Variants in RAPGEF4 observed in about 807,000 individuals in gnomAD.
RAPGEF4 encodes Rap guanine nucleotide exchange factor 4.
A neutral mutation model predicts 147.9 loss-of-function variants in RAPGEF4; 66 were observed. That is an observed-to-expected ratio of 0.45 (90% CI 0.37 to 0.55). The LOEUF (loss-of-function observed/expected upper bound fraction) is 0.55. Among genes scored for constraint, RAPGEF4 ranks in the 20% least tolerant of loss-of-function variants. RAPGEF4 has a pLI of 0.00. For missense variants in RAPGEF4, 1,071 were observed against 1,257.3 expected, an observed-to-expected ratio of 0.85 and a Z score of 2.24; for synonymous variants, 419 against 442.7, an observed-to-expected ratio of 0.95 and a Z score of 0.67.
chr2:172,831,558 C>T (rs563310299), intron 4 of RAPGEF4, among the ~76,000 whole-genome samples: 10 of 151,958 alleles, frequency 6.6e-5, no homozygotes, highest in South Asian at 4.2e-4. Flanking sequence ...CGTGAGCCAC[C>T]GTGCCTGGCC....
rs574513673 is a variant in RAPGEF4, at chr2:173,042,414, A to G, written c.2853+5722A>G. Among the ~76,000 whole-genome samples the G allele has an allele frequency of 3.3e-5, 5 of 152,120 alleles. No individual in the cohort carries two copies. Among genetic ancestry groups the G allele is most frequent in the Non-Finnish European group, 7.4e-5 (5 of 68,010 alleles). On this transcript the variant is annotated intron_variant, in intron 29 of 30. Coordinates refer to ENST00000397081, the MANE Select transcript of RAPGEF4 (RefSeq NM_007023.4). The surrounding 1 kb of genome is among the most constrained non-coding windows in gnomAD (Gnocchi z 4.2). ...TTTGGGAGACTGAGGCGGGTGGATC[A>G]TGGGGTCAGGAGTTCAAGACCAGCC...
chr2:172,753,595 G>T (rs1448009696), intron 1 of RAPGEF4, among the ~76,000 whole-genome samples: 2 of 151,868 alleles, frequency 1.3e-5, no homozygotes. Flanking sequence ...ATACAGGAAA[G>T]AAACTTCATT....
chr2:172,751,708 C>T (rs1208160722), intron 1 of RAPGEF4, among the ~76,000 whole-genome samples: 1 of 152,122 alleles, frequency 6.6e-6, no homozygotes. Flanking sequence ...CAGTGTAATC[C>T]AGACTTTACT....
At chr2:172,805,364 C>CTGAAAG (rs1687394187) in intron 3 of RAPGEF4, among the ~76,000 whole-genome samples, 1 of 152,186 alleles carries the variant, frequency 6.6e-6, no homozygotes, top group African/African-American at 2.4e-5. Flanking sequence ...TATTCTGCCC[C>CTGAAAG]TATTACTTTC....
At chr2:172,860,359 T>C in intron 4 of RAPGEF4, 2 of 975,310 alleles carry the variant, frequency 2.1e-6, no homozygotes, top group Non-Finnish European at 2.4e-6. Flanking sequence ...ACAGGGAGCT[T>C]GTTTCTCTTC....
chr2:172,853,421 AGTT>A (rs1693078869), intron 4 of RAPGEF4, among the ~76,000 whole-genome samples: 1 of 151,944 alleles, frequency 6.6e-6, no homozygotes, highest in African/African-American at 2.4e-5. Flanking sequence ...ATTGACATAG[AGTT>A]GTTTATTATA....
intron 4 of RAPGEF4, among the ~76,000 whole-genome samples, chr2:172,869,243 C>G (rs1423344596): frequency 6.6e-6 from 1 of 152,070 alleles, no homozygotes; most frequent in African/African-American, 2.4e-5. Flanking sequence ...CAATCCAGCT[C>G]TATTAAAATA....
intron 1 of RAPGEF4, among the ~76,000 whole-genome samples, chr2:172,777,816 C>T (rs932440604): frequency 2.0e-5 from 3 of 152,050 alleles, no homozygotes; most frequent in Admixed American, 2.0e-4. Context: ...TTCCCTTCTT[C>T]CTGGGATCAC....
At chr2:172,748,320 A>G (rs1446031240) in intron 1 of RAPGEF4, among the ~76,000 whole-genome samples, 1 of 152,178 alleles carries the variant, frequency 6.6e-6, no homozygotes, top group East Asian at 1.9e-4. Flanking sequence ...GACATACCTG[A>G]GATGGGGTAA....
intron 4 of RAPGEF4, among the ~76,000 whole-genome samples, chr2:172,816,513 G>T (rs1172717396): frequency 6.6e-6 from 1 of 152,172 alleles, no homozygotes; most frequent in Non-Finnish European, 1.5e-5. Context: ...TGAGGATATT[G>T]CTCTGTTGAT....
At chr2:172,870,172 T>C (rs1695076465) in intron 4 of RAPGEF4, among the ~76,000 whole-genome samples, 1 of 152,184 alleles carries the variant, frequency 6.6e-6, no homozygotes, top group Admixed American at 6.5e-5. Context: ...AGATAGGGTG[T>C]CCCTGTTGCA....
chr2:172,926,568 ATTTG>A (rs373359454), intron 6 of RAPGEF4, among the ~76,000 whole-genome samples: 279 of 151,556 alleles, frequency 1.8e-3, no homozygotes, highest in African/African-American at 6.3e-3. Flanking sequence ...TTGTTTGTTT[ATTTG>A]TTTGTTTGTT....
At chr2:172,880,060 A>C (rs1395965941) in intron 4 of RAPGEF4, among the ~76,000 whole-genome samples, 1 of 152,188 alleles carries the variant, frequency 6.6e-6, no homozygotes, top group African/African-American at 2.4e-5. Flanking sequence ...GGCCATCACA[A>C]ACAGCTAGCT....
intron 1 of RAPGEF4, among the ~76,000 whole-genome samples, chr2:172,780,180 G>A (rs956985684): frequency 6.6e-6 from 1 of 152,094 alleles, no homozygotes; most frequent in East Asian, 1.9e-4. Flanking sequence ...AAAACAAACA[G>A]AAGTTTATTA....
chr2:172,925,777 A>AAGAAAGAGAGAGAG (rs1553531721), intron 6 of RAPGEF4, among the ~76,000 whole-genome samples: 1 of 133,804 alleles, frequency 7.5e-6, no homozygotes, highest in Admixed American at 8.3e-5. Flanking sequence ...GAAAGAAAGA[A>AAGAAAGAGAGAGAG]AGAGAGAGAG....
chr2:172,977,217 A>G (rs1413649812), intron 10 of RAPGEF4, among the ~76,000 whole-genome samples: 2 of 152,212 alleles, frequency 1.3e-5, no homozygotes, highest in African/African-American at 4.8e-5. Context: ...GATTGCCTTC[A>G]GTCCTTGGGA....
intron 4 of RAPGEF4, among the ~76,000 whole-genome samples, chr2:172,819,649 T>G: frequency 6.6e-6 from 1 of 151,370 alleles, no homozygotes; most frequent in Non-Finnish European, 1.5e-5. Flanking sequence ...GTATTTTTAG[T>G]AGAGACGGGG....
At chr2:172,736,656 A>G (rs1422136309) in intron 1 of RAPGEF4, among the ~76,000 whole-genome samples, 1 of 152,204 alleles carries the variant, frequency 6.6e-6, no homozygotes, top group Non-Finnish European at 1.5e-5. Flanking sequence ...TACGCTAAAA[A>G]TAATTAAAAC....
At chr2:172,761,353 A>G (rs1259079555) in intron 1 of RAPGEF4, among the ~76,000 whole-genome samples, 1 of 151,916 alleles carries the variant, frequency 6.6e-6, no homozygotes, top group Non-Finnish European at 1.5e-5. Context: ...TTTGTTTGAG[A>G]CGGAGTCTCA....
Sources: gnomAD v4.1 joint callset for allele counts (sites outside exome capture counted in the v4.1 genomes callset) on GRCh38, gnomAD v4.1.1 for gene constraint, Gnocchi (gnomAD v3.1) non-coding constraint, MANE v1.5 for transcripts, NCBI Gene and HGNC (gene_info 2026-07-23, HGNC 2026-07-21) for gene names.